The following ADA variants were observed in gnomAD, a reference collection of about 807,000 sequenced individuals.
ADA encodes adenosine aminohydrolase.
Under a neutral mutation model 49.0 loss-of-function variants are expected in ADA, and 45 were observed. That is an observed-to-expected ratio of 0.92 (90% confidence interval 0.72 to 1.18). The LOEUF (loss-of-function observed/expected upper bound fraction) is 1.18. Ranked by LOEUF, ADA falls within the 50% of genes most tolerant of loss-of-function variation. The pLI, the probability that ADA is intolerant of heterozygous loss-of-function variation, is 0.00. For missense variants in ADA, 445 were observed against 472.5 expected, an observed-to-expected ratio of 0.94 and a Z score of 0.54; for synonymous variants, 173 against 184.2, an observed-to-expected ratio of 0.94 and a Z score of 0.49.
intron 1 of ADA, among the ~76,000 whole-genome samples, chr20:44,649,761 C>T (rs395896): frequency 7.9e-6 from 1 of 127,352 alleles, no homozygotes; most frequent in East Asian, 2.4e-4. Flanking sequence ...TTTGAGACAG[C>T]GTCTCACTCT....
chr20:44,651,545 C>G lies in ADA; in HGVS notation c.33+30G>C, dbSNP rs181294343. ...CCTCGGGCCGCCCAGGCGCCGGACCCCCGTCCCCGGAGCCCCCGCGCGCGC... is the reference window on the plus strand; with the variant it reads ...CCTCGGGCCGCCCAGGCGCCGGACCGCCGTCCCCGGAGCCCCCGCGCGCGC... On this transcript the variant is annotated intron_variant, in intron 1 of 11. Transcript: ENST00000372874. The G allele has an allele frequency of 2.0e-3, 3,011 of 1,529,774 alleles. 25 individuals are homozygous for G. The African/African-American group carries it at 0.02, about 10-fold the overall frequency. The allele number at this position is 1,529,774 out of a possible 1,614,324, so 94.8% of individuals were successfully genotyped here.
chr20:44,642,008 TCCAC>T (rs143867420), intron 1 of ADA, among the ~76,000 whole-genome samples: 2,120 of 152,196 alleles, frequency 0.014, 51 homozygotes, highest in African/African-American at 0.048. Flanking sequence ...CCTCAGGTGA[TCCAC>T]CCACCTAGGC....
rs894673149 is a variant in ADA, at chr20:44,619,627, G to C, written c.*207C>G. 3 of 626,568 alleles carry C rather than the reference G, an allele frequency of 4.8e-6. No individual in the cohort carries two copies. In the East Asian group the frequency reaches 8.9e-5, roughly 19 times the overall value. The allele number at this position is 626,568 out of a possible 1,614,324, so 38.8% of individuals were successfully genotyped here. A position where few individuals can be genotyped will look rare whatever the true frequency, so the allele number is the denominator to read the frequency against. ...AACCATGCCCATGTGCAAGGGCGCT[G>C]GTCCCTGGCCAGGGCACATAATCAG... On this transcript the variant is annotated 3_prime_UTR_variant, in exon 12 of 12. Coordinates refer to ENST00000372874, the MANE Select transcript of ADA (RefSeq NM_000022.4).
chr20:44,629,272 A>T (rs2065411505), intron 2 of ADA, 103 bp from the exon 3 acceptor site: 1 of 1,540,162 alleles, frequency 6.5e-7, no homozygotes, highest in Non-Finnish European at 8.9e-7. Flanking sequence ...TCCTTGCAGG[A>T]CCACAGCAGG....
chr20:44,628,983 C>T, intron 3 of ADA, 64 bp downstream of exon 3: 1 of 1,612,182 alleles, frequency 6.2e-7, no homozygotes, highest in African/African-American at 1.3e-5. Context: ...GGCTGAGGGA[C>T]AGGCCTGGTC....
chr20:44,645,234 C>T (rs2065578618), intron 1 of ADA, among the ~76,000 whole-genome samples: 1 of 151,636 alleles, frequency 6.6e-6, no homozygotes, highest in South Asian at 2.1e-4. Flanking sequence ...CAAGTGTATC[C>T]CAAGTCCCAG....
intron 1 of ADA, among the ~76,000 whole-genome samples, chr20:44,650,530 C>T (rs978352740): frequency 1.6e-4 from 24 of 152,060 alleles, no homozygotes; most frequent in African/African-American, 2.9e-4. Context: ...TGGGCTCAAG[C>T]GATCCTCCCG....
At chr20:44,629,282 G>A in intron 2 of ADA, 113 bp from the exon 3 acceptor site, 1 of 1,481,788 alleles carries the variant, frequency 6.7e-7, no homozygotes, top group South Asian at 1.2e-5. Context: ...ACCACAGCAG[G>A]AGACATGGGC....
intron 1 of ADA, among the ~76,000 whole-genome samples, chr20:44,647,405 C>T (rs2065602316): frequency 6.6e-6 from 1 of 151,902 alleles, no homozygotes; most frequent in Admixed American, 6.6e-5. Context: ...CATTGCACTC[C>T]AGCCTGGGCA....
intron 1 of ADA, among the ~76,000 whole-genome samples, chr20:44,650,661 T>C (rs1268311600): frequency 6.6e-6 from 1 of 152,080 alleles, no homozygotes; most frequent in Non-Finnish European, 1.5e-5. Context: ...CTCAAACTCC[T>C]GGACTCAAAT....
intron 1 of ADA, 128 bp from the exon 2 acceptor site, chr20:44,636,416 G>T: frequency 1.2e-6 from 1 of 800,508 alleles, no homozygotes; most frequent in Non-Finnish European, 2.1e-6. Flanking sequence ...CATTTTACTG[G>T]CTGGCTGCTG....
chr20:44,626,337 T>G, intron 4 of ADA, 119 bp downstream of exon 4: 3 of 1,432,544 alleles, frequency 2.1e-6, no homozygotes, highest in South Asian at 2.4e-5. Context: ...TGGACCAGAC[T>G]GGGGGCAAGA....
At chr20:44,634,802 T>C (rs2065465151) in intron 2 of ADA, among the ~76,000 whole-genome samples, 1 of 152,222 alleles carries the variant, frequency 6.6e-6, no homozygotes, top group Admixed American at 6.5e-5. Flanking sequence ...CCCCCCGGGA[T>C]CCCTCATTCT....
intron 4 of ADA, 94 bp downstream of exon 4, chr20:44,626,362 G>A: frequency 6.4e-7 from 1 of 1,572,306 alleles, no homozygotes; most frequent in Non-Finnish European, 8.7e-7. Flanking sequence ...GGTCTTGCTT[G>A]GGTCAGGGAT....
chr20:44,634,028 G>A (rs1047548786), intron 2 of ADA, among the ~76,000 whole-genome samples: 10 of 152,242 alleles, frequency 6.6e-5, no homozygotes, highest in Non-Finnish European at 1.5e-4. Flanking sequence ...CCTGCCGCAC[G>A]CCATCTCCAA....
intron 2 of ADA, among the ~76,000 whole-genome samples, chr20:44,633,735 G>T (rs1018179264): frequency 1.3e-5 from 2 of 152,204 alleles, no homozygotes; most frequent in African/African-American, 2.4e-5. Flanking sequence ...AGTTGACAGG[G>T]TTATAAACAA....
At chr20:44,627,414 C>T (rs2145321677) in intron 3 of ADA, among the ~76,000 whole-genome samples, 1 of 152,298 alleles carries the variant, frequency 6.6e-6, no homozygotes, top group South Asian at 2.1e-4. Context: ...ATCTCCTGAC[C>T]TCATGATCCG....
At chr20:44,634,028 G>C (rs1047548786) in intron 2 of ADA, among the ~76,000 whole-genome samples, 1 of 152,242 alleles carries the variant, frequency 6.6e-6, no homozygotes, top group Non-Finnish European at 1.5e-5. Context: ...CCTGCCGCAC[G>C]CCATCTCCAA....
chr20:44,633,294 G>C (rs541010259), intron 2 of ADA, among the ~76,000 whole-genome samples: 1 of 152,350 alleles, frequency 6.6e-6, no homozygotes, highest in African/African-American at 2.4e-5. Context: ...TCATGAGAAA[G>C]AGCAGACTCT....
Sources: gnomAD v4.1 joint callset for allele counts (sites outside exome capture counted in the v4.1 genomes callset) on GRCh38, gnomAD v4.1.1 for gene constraint, MANE v1.5 for transcripts, NCBI Gene and HGNC (gene_info 2026-07-23, HGNC 2026-07-21) for gene names.